PSD2: variants seen among roughly 807,000 people sequenced by gnomAD.
PSD2 encodes pleckstrin and Sec7 domain containing 2, also known as PH and SEC7 domain-containing protein 2.
Under a neutral mutation model 69.8 loss-of-function variants are expected in PSD2, and 38 were observed. That is an observed-to-expected ratio of 0.54 (90% CI 0.42 to 0.71). PSD2 has a LOEUF of 0.71. Ranked by LOEUF, PSD2 falls within the 30% of genes least tolerant of loss-of-function variation. The pLI is 0.00. For missense variants in PSD2, 943 were observed against 1,014.5 expected (o/e 0.93, Z 0.96); for synonymous variants, 412 against 423.0 (o/e 0.97, Z 0.32).
Position 139,840,186 on chromosome 5 carries a change from C to A in PSD2, c.2112+16C>A. The A allele has an allele frequency of 6.2e-7, 1 of 1,613,176 alleles. No individual in the cohort carries two copies. The highest frequency in any genetic ancestry group is 8.5e-7 in the Non-Finnish European group (1 of 1,179,702). On this transcript the variant is annotated intron_variant, in intron 14 of 14. Coordinates refer to ENST00000274710, the MANE Select transcript of PSD2 (RefSeq NM_032289.4). ...CACCTTCGAGGTGAGCCTTGGGGGA[C>A]TGGATTGCAAAGCCCAGTGCCCTGC...
At chr5:139,757,570 G>A in the PSD2 span, among the ~76,000 whole-genome samples, 3 of 152,136 alleles carry the variant, frequency 2.0e-5, no homozygotes, top group African/African-American at 7.2e-5. Context: ...CAATGATTTG[G>A]GAAAGAGTTG....
chr5:139,744,616 G>A, the PSD2 span, among the ~76,000 whole-genome samples: 1 of 152,112 alleles, frequency 6.6e-6, no homozygotes, highest in Non-Finnish European at 1.5e-5. Flanking sequence ...GGGGGTGGGG[G>A]GAAGGCTCTC....
chr5:139,801,420 C>T (rs918898538), intron 1 of PSD2, among the ~76,000 whole-genome samples: 2 of 152,194 alleles, frequency 1.3e-5, no homozygotes, highest in African/African-American at 4.8e-5. Flanking sequence ...TTTGACACAT[C>T]CAGTCTTCCT....
chr5:139,760,457 C>G, the PSD2 span, among the ~76,000 whole-genome samples: 1 of 152,206 alleles, frequency 6.6e-6, no homozygotes, highest in Non-Finnish European at 1.5e-5. Context: ...GGTCCAGCCA[C>G]TGGAGCCCTG....
At chr5:139,744,113 C>A in the PSD2 span, among the ~76,000 whole-genome samples, 2 of 152,188 alleles carry the variant, frequency 1.3e-5, no homozygotes. Flanking sequence ...GCCTGGGACA[C>A]TGGCCTGTCT....
intron 9 of PSD2, 42 bp from the exon 10 acceptor site, chr5:139,836,769 A>C (rs775260949): frequency 6.3e-7 from 1 of 1,581,258 alleles, no homozygotes; most frequent in Non-Finnish European, 8.7e-7. Context: ...TGCGGGGCCG[A>C]GGCCTCCCTG....
At chr5:139,830,606 TTCTCTTTCTTTCTTTCTTTC>T (rs1561605409) in intron 7 of PSD2, among the ~76,000 whole-genome samples, 35 of 122,222 alleles carry the variant, frequency 2.9e-4, no homozygotes, top group African/African-American at 1.3e-3. Context: ...CTTTCTTTCT[TTCTCTTTCTTTCTTTCTTTC>T]TCTTTCTTTC....
chr5:139,779,639 C>T, the PSD2 span, among the ~76,000 whole-genome samples: 2 of 152,160 alleles, frequency 1.3e-5, no homozygotes, highest in South Asian at 4.1e-4. Context: ...TTTGTATAAG[C>T]CCAACTCTAT....
chr5:139,774,741 C>T, the PSD2 span, among the ~76,000 whole-genome samples: 3 of 152,166 alleles, frequency 2.0e-5, no homozygotes, highest in African/African-American at 7.2e-5. Flanking sequence ...CCGCCCACCT[C>T]GGCCTCCCAA....
chr5:139,804,663 T>G (rs1759752732), intron 1 of PSD2, among the ~76,000 whole-genome samples: 1 of 152,222 alleles, frequency 6.6e-6, no homozygotes, highest in Admixed American at 6.5e-5. Flanking sequence ...GTCTCAGCCT[T>G]GCCACCACAC....
chr5:139,809,301 G>A, intron 1 of PSD2, 90 bp from the exon 2 acceptor site: 1 of 1,015,168 alleles, frequency 9.9e-7, no homozygotes, highest in Non-Finnish European at 1.4e-6. Flanking sequence ...CTCTCAGGCA[G>A]GCTGCTCTGC....
At chr5:139,825,922 G>A (rs943165478) in intron 7 of PSD2, among the ~76,000 whole-genome samples, 3 of 152,198 alleles carry the variant, frequency 2.0e-5, no homozygotes, top group Non-Finnish European at 2.9e-5. Context: ...GGGGCTCAGC[G>A]TTATGTAGAG....
chr5:139,797,012 T>G (rs879891382), intron 1 of PSD2, among the ~76,000 whole-genome samples: 1 of 151,246 alleles, frequency 6.6e-6, no homozygotes, highest in Non-Finnish European at 1.5e-5. Context: ...AAGAGCTGCT[T>G]AATAGTGGTT....
chr5:139,828,234 T>C (rs1760480122), intron 7 of PSD2, among the ~76,000 whole-genome samples: 1 of 149,918 alleles, frequency 6.7e-6, no homozygotes, highest in Admixed American at 6.7e-5. Flanking sequence ...GTCAATGGAC[T>C]GAAGGCTGGG....
At chr5:139,779,413 C>A in the PSD2 span, among the ~76,000 whole-genome samples, 3 of 152,174 alleles carry the variant, frequency 2.0e-5, no homozygotes, top group African/African-American at 7.2e-5. Flanking sequence ...ATCTATGCAT[C>A]CCTCCTTTAC....
chr5:139,761,403 C>T, the PSD2 span, among the ~76,000 whole-genome samples: 636 of 152,250 alleles, frequency 4.2e-3, 5 homozygotes, highest in African/African-American at 0.015. Context: ...AGGATCTGGG[C>T]AAAGCTGAGT....
intron 1 of PSD2, among the ~76,000 whole-genome samples, chr5:139,804,953 G>A (rs188987934): frequency 5.3e-5 from 8 of 151,318 alleles, no homozygotes; most frequent in Non-Finnish European, 8.8e-5. Flanking sequence ...GCACGTGTGC[G>A]TGTGTATGTG....
intron 7 of PSD2, among the ~76,000 whole-genome samples, chr5:139,830,938 G>T (rs976072420): frequency 4.3e-5 from 6 of 138,636 alleles, no homozygotes. Flanking sequence ...CTAAGAATTT[G>T]TCCATTTCAT....
At chr5:139,830,624 TTC>T (rs1214664175) in intron 7 of PSD2, among the ~76,000 whole-genome samples, 1,764 of 54,324 alleles carry the variant, frequency 0.032, 63 homozygotes, top group African/African-American at 0.12. Flanking sequence ...CTTTCTTTCT[TTC>T]TCTTTCTTTC....
Sources: allele counts gnomAD v4.1 joint callset (sites outside exome capture counted in the v4.1 genomes callset), GRCh38; gene constraint gnomAD v4.1.1; transcripts MANE v1.5; gene names NCBI Gene and HGNC (gene_info 2026-07-23, HGNC 2026-07-21).